The following PALMD variants were observed in gnomAD, a reference collection of about 807,000 sequenced individuals.
The protein encoded by PALMD is paralemmin-like protein.
PALMD carries 42 observed loss-of-function variants against 56.2 expected under a neutral mutation model. The ratio of observed to expected loss-of-function variants is 0.75; its 90% CI spans 0.58 to 0.97. The LOEUF is 0.97. Among genes scored for constraint, PALMD ranks in the 50% least tolerant of loss-of-function variants. The pLI is 0.00. For synonymous variants in PALMD, 242 were observed against 222.9 expected (o/e 1.09, Z -0.76); for missense variants, 660 against 643.8 (o/e 1.03, Z -0.27).
At chr1:99,691,858 C>T (rs1194395750) in intron 7 of PALMD, among the ~76,000 whole-genome samples, 2 of 152,060 alleles carry the variant, frequency 1.3e-5, no homozygotes, top group Non-Finnish European at 2.9e-5. Flanking sequence ...TCTCTTTTCC[C>T]TTGGTATAAA....
intron 1 of PALMD, among the ~76,000 whole-genome samples, chr1:99,652,679 GGAAAGGAAAGGAAAGGAAAA>G (rs1295448400): frequency 0.01 from 931 of 91,234 alleles, 11 homozygotes; most frequent in African/African-American, 0.035. Flanking sequence ...GGAAAGGAAA[GGAAAGGAAAGGAAAGGAAAA>G]GAAAAGAAAA....
intron 3 of PALMD, chr1:99,683,919 T>C (rs1249145013): frequency 6.6e-6 from 1 of 152,188 alleles, no homozygotes; most frequent in African/African-American, 2.4e-5. Context: ...TGTTTCCCGC[T>C]CTCACTTCCT....
In PALMD at chr1:99,654,146, C is replaced by T. The variant is rs142829934; in HGVS notation, c.45+7784C>T. Among the ~76,000 whole-genome samples the T allele has an allele frequency of 2.4e-3, 367 of 152,264 alleles. 1 individual carries two copies. Among genetic ancestry groups the T allele is most frequent in the Admixed American group, 6.0e-3 (91 of 15,282 alleles). On this transcript the variant is annotated intron_variant, in intron 1 of 7. Coordinates refer to ENST00000263174, the MANE Select transcript of PALMD (RefSeq NM_017734.5). ...ACAAGTTCCACCACTCGATCAATCA[C>T]GTGACTTGAGAAAGTTAATGAACTC...
intron 1 of PALMD, 70 bp downstream of exon 1, chr1:99,646,432 C>A: frequency 8.3e-7 from 1 of 1,210,718 alleles, no homozygotes; most frequent in South Asian, 1.2e-5. Context: ...GCCGGCTGCC[C>A]CTGTCGCTGA....
In PALMD at chr1:99,689,709, A is replaced by G. The variant is rs887297374; in HGVS notation, c.1449A>G (p.Arg483=). ...YQPAKPTPLP[R]KRSEASPHEN... ...CAGCCAAACCAACACCACTTCCTAG[A>G]AAAAGATCAGAAGCTAGTCCTCATG... Residue 483 remains arginine (R), a synonymous_variant, in exon 7 of 8, where the codon AGA becomes AGG. Transcript: ENST00000263174. 1 of 1,613,842 alleles carries G rather than the reference A, an allele frequency of 6.2e-7. No individual in the cohort carries two copies. The highest frequency in any genetic ancestry group is 8.5e-7 in the Non-Finnish European group (1 of 1,179,866).
intron 1 of PALMD, among the ~76,000 whole-genome samples, chr1:99,656,371 T>C (rs1304844153): frequency 1.5e-5 from 2 of 130,744 alleles, no homozygotes; most frequent in African/African-American, 5.6e-5. Flanking sequence ...CACGTCTCTT[T>C]TTTTTCAAAG....
intron 1 of PALMD, among the ~76,000 whole-genome samples, chr1:99,650,479 T>C (rs1571057303): frequency 6.6e-6 from 1 of 152,100 alleles, no homozygotes; most frequent in African/African-American, 2.4e-5. Context: ...AACAAGAACA[T>C]GAGCACGGAT....
intron 6 of PALMD, among the ~76,000 whole-genome samples, chr1:99,688,131 C>T (rs1491000657): frequency 6.6e-6 from 1 of 152,024 alleles, no homozygotes; most frequent in African/African-American, 2.4e-5. Context: ...TTTAGCCCTT[C>T]CTCTACTTGA....
intron 7 of PALMD, among the ~76,000 whole-genome samples, chr1:99,692,084 G>A (rs969295634): frequency 1.3e-5 from 2 of 152,170 alleles, no homozygotes; most frequent in African/African-American, 4.8e-5. Context: ...CTCAATGCCA[G>A]ACACTTCCAC....
intron 3 of PALMD, chr1:99,685,372 G>A (rs1042748637): frequency 5.9e-5 from 9 of 152,138 alleles, no homozygotes; most frequent in African/African-American, 1.7e-4. Context: ...CTGCTGAAGG[G>A]TAAAAGTGCT....
In PALMD at chr1:99,686,696, A is replaced by G; in HGVS notation, c.272A>G (p.Asp91Gly). The G allele has an allele frequency of 1.3e-6, 2 of 1,597,512 alleles. No individual in the cohort carries two copies. The highest frequency in any genetic ancestry group is 8.6e-7 in the Non-Finnish European group (1 of 1,167,798). Residue 91 changes from aspartate to glycine, a missense_variant, in exon 4 of 8, where the codon GAT becomes GGT. By Grantham distance (94) the Asp-to-Gly change is moderately conservative. Coordinates refer to ENST00000263174, the MANE Select transcript of PALMD (RefSeq NM_017734.5). ...GTCAGGCTTGAGAAAGAGATCCAAG[A>G]TCTTGAAAAAGCTGAACTGCAAATC... is the stretch of plus-strand genomic sequence containing the variant. ...SILRLEKEIQ[D>G]LEKAELQIST...
intron 1 of PALMD, 99 bp from the exon 2 acceptor site, chr1:99,662,220 A>C (rs1557668673): frequency 1.5e-6 from 1 of 681,510 alleles, no homozygotes; most frequent in Non-Finnish European, 2.6e-6. Context: ...ATGCCAAAAA[A>C]ATATCAGTAA....
At chr1:99,656,453 G>A (rs1233435423) in intron 1 of PALMD, among the ~76,000 whole-genome samples, 1 of 152,122 alleles carries the variant, frequency 6.6e-6, no homozygotes, top group Non-Finnish European at 1.5e-5. Context: ...GTTTCCGCTA[G>A]TGTTCTTTTC....
chr1:99,677,813 G>C (rs903290192), intron 3 of PALMD, among the ~76,000 whole-genome samples: 1 of 152,126 alleles, frequency 6.6e-6, no homozygotes, highest in African/African-American at 2.4e-5. Flanking sequence ...GAGAGGAAAC[G>C]ACAGGTTGTC....
At chr1:99,693,267 T>C (rs1034165845) in intron 7 of PALMD, among the ~76,000 whole-genome samples, 40 of 152,162 alleles carry the variant, frequency 2.6e-4, no homozygotes, top group Non-Finnish European at 1.3e-4. Context: ...CTTGAAAGCA[T>C]CTATCAACTT....
chr1:99,657,267 C>G (rs149824926), intron 1 of PALMD, among the ~76,000 whole-genome samples: 1 of 152,160 alleles, frequency 6.6e-6, no homozygotes, highest in African/African-American at 2.4e-5. Flanking sequence ...TCAAACTTGG[C>G]GAATCCATCA....
At chr1:99,646,438 G>A in intron 1 of PALMD, 76 bp downstream of exon 1, 3 of 1,113,328 alleles carry the variant, frequency 2.7e-6, no homozygotes, top group Non-Finnish European at 4.1e-6. Context: ...TGCCCCTGTC[G>A]CTGAGCCCTC....
intron 1 of PALMD, among the ~76,000 whole-genome samples, chr1:99,650,091 G>A (rs904523122): frequency 2.0e-5 from 3 of 152,036 alleles, no homozygotes; most frequent in Non-Finnish European, 4.4e-5. Flanking sequence ...TGGTCAGGAT[G>A]GGGTTCACAA....
chr1:99,690,054 G>C (rs947687512), intron 7 of PALMD, 182 bp downstream of exon 7: 1 of 519,030 alleles, frequency 1.9e-6, no homozygotes. Context: ...CACTTCAAAA[G>C]ATAAAGAAAG....
Sources: gnomAD v4.1 joint callset for allele counts (sites outside exome capture counted in the v4.1 genomes callset) on GRCh38, gnomAD v4.1.1 for gene constraint, MANE v1.5 for transcripts, NCBI Gene and HGNC (gene_info 2026-07-23, HGNC 2026-07-21) for gene names.